PDXDC1: variants seen among roughly 807,000 people sequenced by gnomAD.
PDXDC1 encodes pyridoxal-dependent decarboxylase domain-containing protein 1.
In PDXDC1, 42 loss-of-function variants were observed where a neutral mutation model predicts 100.1. The ratio of observed to expected loss-of-function variants is 0.42; its 90% CI spans 0.33 to 0.54. The LOEUF (loss-of-function observed/expected upper bound fraction) is 0.54. PDXDC1 is among the 20% of genes least tolerant of loss of function. The pLI, the probability that PDXDC1 is intolerant of heterozygous loss-of-function variation, is 0.10. For missense variants in PDXDC1, 636 were observed against 979.2 expected (o/e 0.65, Z 4.68); for synonymous variants, 260 against 371.7 (o/e 0.70, Z 3.46).
chr16:15,010,512 C>T (rs993202119), intron 8 of PDXDC1: 7 of 154,282 alleles, frequency 4.5e-5, no homozygotes, highest in South Asian at 2.0e-4. Flanking sequence ...ATTGTACTGA[C>T]GTTGTAAGAT....
Position 15,074,916 on chromosome 16 carries a change from T to G in PDXDC1, c.1399+44860T>G. 3.3e-6 allele frequency: 5 copies of G among 1,522,160 alleles called. No individual in the cohort carries two copies. The South Asian group carries it at 6.0e-5, about 18-fold the overall frequency. 94.3% of individuals were successfully genotyped at this position (1,522,160 alleles called of 1,614,324 possible). On this transcript the variant is annotated intron_variant, in intron 16 of 16. Transcript: ENST00000535621. ...TAAAAAATTCAATGTCAAAGTGGTT[T>G]AGTAGGAAAACTGTCATAAGTGATT...
intron 16 of PDXDC1, among the ~76,000 whole-genome samples, chr16:15,072,215 AG>A (rs1157750504): frequency 2.7e-5 from 4 of 149,742 alleles, no homozygotes; most frequent in African/African-American, 9.8e-5. Flanking sequence ...GTTGCAGAGA[AG>A]GAAAAGCCTT....
At position 15,133,393 on chromosome 16, in the gene PDXDC1, G is replaced by A. The variant is rs1314797101; in HGVS notation, c.1400-5486G>A. 45 of 1,085,640 alleles carry A rather than the reference G, an allele frequency of 4.1e-5. 1 individual carries two copies. The highest frequency in any genetic ancestry group is 5.0e-5 in the East Asian group (2 of 40,356). The allele number at this position is 1,085,640 out of a possible 1,614,324, so 67.3% of individuals were successfully genotyped here. ...AGACTGTGAGCCCCATTGCGCTGCC[G>A]TTGGGCTCTGGGAGGGTGATGGCCA... On this transcript the variant is annotated intron_variant, in intron 16 of 16. Transcript: ENST00000535621.
At chr16:15,098,068 C>T (rs1015929389) in intron 16 of PDXDC1, among the ~76,000 whole-genome samples, 1 of 150,406 alleles carries the variant, frequency 6.6e-6, no homozygotes, top group African/African-American at 2.4e-5. Flanking sequence ...TGAGCCACCG[C>T]GACCAGCCTG....
intron 16 of PDXDC1, among the ~76,000 whole-genome samples, chr16:15,064,193 T>C (rs928408393): frequency 6.6e-6 from 1 of 152,146 alleles, no homozygotes; most frequent in South Asian, 2.1e-4. Flanking sequence ...TTTGTTTTTC[T>C]GAGACAGAGT....
At chr16:15,025,825 A>G (rs1268813649) in intron 13 of PDXDC1, 2 of 152,472 alleles carry the variant, frequency 1.3e-5, no homozygotes, top group Admixed American at 1.3e-4. Context: ...CCCTGACCCC[A>G]TGGCTTGACC....
chr16:15,028,956 T>C lies in PDXDC1; in HGVS notation c.1283T>C (p.Leu428Pro), dbSNP rs1236047749. 1 of 1,613,022 alleles carries C rather than the reference T, an allele frequency of 6.2e-7. No individual in the cohort carries two copies. Among genetic ancestry groups the C allele is most frequent in the Non-Finnish European group, 8.5e-7 (1 of 1,179,930 alleles). The stretch of plus-strand genomic sequence containing the variant: ...CGGGAGAGGCACTCGTGTGACGCGC[T>C]GAATCGCTGGGTGAGAATGGCAGTC... ...VGRERHSCDALNRWLGEQLKQ... is the reference protein window; with the variant it reads ...VGRERHSCDAPNRWLGEQLKQ... Residue 428 changes from leucine (L) to proline (P), a missense_variant, in exon 15 of 23, where the codon CTG becomes CCG. This residue lies in a region of PDXDC1 where 44 missense variants were observed against 46.9 expected (regional missense o/e 0.94). Coordinates refer to ENST00000396410, the MANE Select transcript of PDXDC1 (RefSeq NM_015027.4).
intron 8 of PDXDC1, among the ~76,000 whole-genome samples, chr16:15,013,667 G>A (rs1036046034): frequency 6.6e-6 from 1 of 152,248 alleles, no homozygotes; most frequent in African/African-American, 2.4e-5. Context: ...ACAAGGTCAG[G>A]AGTTCAAGAC....
At chr16:15,040,150 C>T, downstream of PDXDC1, 2 of 726,386 alleles carry the variant, frequency 2.8e-6, no homozygotes, top group South Asian at 3.4e-5. Context: ...ACCACCACTC[C>T]TAAGAGAAAG....
downstream of PDXDC1, chr16:15,038,700 G>T (rs202125067): frequency 2.3e-5 from 33 of 1,420,834 alleles, no homozygotes; most frequent in East Asian, 7.1e-4. Context: ...AAAAAAGAAC[G>T]TGTCAAGGAT....
intron 16 of PDXDC1, among the ~76,000 whole-genome samples, chr16:15,055,185 G>A (rs931983069): frequency 8.6e-5 from 13 of 152,026 alleles, no homozygotes; most frequent in African/African-American, 3.1e-4. Flanking sequence ...GCCACGCCCC[G>A]CTCTTTTTAA....
chr16:15,078,342 C>A (rs1276737718), intron 16 of PDXDC1, among the ~76,000 whole-genome samples: 1 of 152,150 alleles, frequency 6.6e-6, no homozygotes, highest in African/African-American at 2.4e-5. Flanking sequence ...CACTCCTAAA[C>A]CACGCCTCTT....
At chr16:15,048,189 G>A (rs138580038) in intron 16 of PDXDC1, 153 of 841,708 alleles carry the variant, frequency 1.8e-4, no homozygotes, top group Middle Eastern at 1.4e-3. Context: ...TGGGCTCTGC[G>A]TGGGCAGCAC....
At chr16:15,144,543 C>CA in the PDXDC1 span, among the ~76,000 whole-genome samples, 1 of 152,182 alleles carries the variant, frequency 6.6e-6, no homozygotes, top group African/African-American at 2.4e-5. Context: ...CCCCAGGCAA[C>CA]AGAGCCCTGC....
chr16:15,034,334 C>A lies in PDXDC1; in HGVS notation c.1861C>A (p.Gln621Lys). The change falls in exon 20 of 23, where the codon CAA becomes AAA. Residue 621 changes from glutamine (Q) to lysine (K), a missense_variant. Gln to Lys is a moderately conservative substitution (Grantham distance 53). Coordinates refer to ENST00000396410, the MANE Select transcript of PDXDC1 (RefSeq NM_015027.4). ...GGTTCGGAAAGGCATTCAGGAAGCT[C>A]AAGTGGAGCTGCAGAAGGCAAGTGA... Reference protein sequence around the residue: ...EVVRKGIQEAQVELQKASEER... With the variant: ...EVVRKGIQEAKVELQKASEER... The A allele has an allele frequency of 6.2e-7, 1 of 1,613,450 alleles. No homozygotes were observed. Among genetic ancestry groups the A allele is most frequent in the South Asian group, 1.1e-5 (1 of 91,050 alleles).
chr16:15,024,990 A>G (rs1302768610), intron 13 of PDXDC1, among the ~76,000 whole-genome samples: 4 of 152,428 alleles, frequency 2.6e-5, no homozygotes, highest in Non-Finnish European at 4.4e-5. Flanking sequence ...GCCCAGTGCC[A>G]GGCCCCAGAC....
At chr16:15,040,969 G>A (rs978906112), downstream of PDXDC1, 25 of 840,158 alleles carry the variant, frequency 3.0e-5, no homozygotes, top group Middle Eastern at 2.2e-4. Context: ...ACCCAAAGCT[G>A]TCCCATCCTG....
At chr16:15,068,332 T>C in intron 16 of PDXDC1, 2 of 1,525,684 alleles carry the variant, frequency 1.3e-6, no homozygotes, top group African/African-American at 1.4e-5. Context: ...GTGAAAAGTG[T>C]AAGATACTTT....
chr16:15,020,368 C>T (rs1286270636), intron 12 of PDXDC1, among the ~76,000 whole-genome samples: 1 of 152,272 alleles, frequency 6.6e-6, no homozygotes, highest in Non-Finnish European at 1.5e-5. Context: ...GGGGAGTTAG[C>T]ACTTCCTCAA....
Sources: gnomAD v4.1 joint callset for allele counts (sites outside exome capture counted in the v4.1 genomes callset) on GRCh38, gnomAD v4.1.1 for gene constraint, gnomAD v4.1.1 regional missense constraint, MANE v1.5 for transcripts, NCBI Gene and HGNC (gene_info 2026-07-23, HGNC 2026-07-21) for gene names.